MACROD2: variants seen among roughly 807,000 people sequenced by gnomAD.
The protein encoded by MACROD2 is ADP-ribose glycohydrolase MACROD2.
In MACROD2, 36 loss-of-function variants were observed where a neutral mutation model predicts 70.4. That is an observed-to-expected ratio of 0.51 (90% CI 0.39 to 0.68). The LOEUF is 0.68. Ranked by LOEUF, MACROD2 falls within the 30% of genes least tolerant of loss-of-function variation. MACROD2 has a pLI of 0.00. For synonymous variants in MACROD2, 172 were observed against 178.8 expected, an observed-to-expected ratio of 0.96 and a Z score of 0.30; for missense variants, 496 against 538.4, an observed-to-expected ratio of 0.92 and a Z score of 0.78.
At chr20:14,230,685 A>ATATATATATATATATATATATATATG (rs1569217538) in intron 3 of MACROD2, among the ~76,000 whole-genome samples, 4 of 116,878 alleles carry the variant, frequency 3.4e-5, no homozygotes, top group Non-Finnish European at 1.7e-5. Context: ...ATATATATAT[A>ATATATATATATATATATATATATATG]TATATATATA....
At chr20:14,911,691 T>C (rs2074029666) in intron 5 of MACROD2, among the ~76,000 whole-genome samples, 1 of 152,036 alleles carries the variant, frequency 6.6e-6, no homozygotes. Flanking sequence ...GATCTCTGAA[T>C]TCCCCCTTCT....
At chr20:14,015,539 C>T in intron 2 of MACROD2, among the ~76,000 whole-genome samples, 1 of 152,202 alleles carries the variant, frequency 6.6e-6, no homozygotes, top group South Asian at 2.1e-4. Context: ...ATTTGCACTA[C>T]TGTACTCCAG....
chr20:15,798,642 G>C (rs2063697008), intron 8 of MACROD2, among the ~76,000 whole-genome samples: 1 of 152,176 alleles, frequency 6.6e-6, no homozygotes, highest in Non-Finnish European at 1.5e-5. Context: ...TGTATGATGG[G>C]AGATATTTTT....
chr20:15,421,212 TACAAAACATGC>T (rs1385258835), intron 6 of MACROD2, among the ~76,000 whole-genome samples: 2 of 152,084 alleles, frequency 1.3e-5, no homozygotes, highest in Non-Finnish European at 2.9e-5. Flanking sequence ...ACCTTGTTTC[TACAAAACATGC>T]AAAAATTAAC....
At chr20:15,330,298 A>AT (rs11087129) in intron 6 of MACROD2, among the ~76,000 whole-genome samples, 42,309 of 151,664 alleles carry the variant, frequency 0.28, 7,114 homozygotes, top group Non-Finnish European at 0.39. Flanking sequence ...CAAGCCCTCC[A>AT]TGTGATTGTC....
At chr20:14,498,602 A>G (rs1004393177) in intron 4 of MACROD2, among the ~76,000 whole-genome samples, 4 of 152,232 alleles carry the variant, frequency 2.6e-5, no homozygotes, top group African/African-American at 9.6e-5. Context: ...TTGAGTTAAA[A>G]TGATGCTTTA....
intron 6 of MACROD2, among the ~76,000 whole-genome samples, chr20:15,301,016 C>T (rs565297693): frequency 3.9e-5 from 6 of 152,242 alleles, no homozygotes; most frequent in African/African-American, 9.6e-5. Context: ...GGTGAGCTTG[C>T]CCCCACATGG....
chr20:14,292,538 T>G (rs1226764052), intron 3 of MACROD2, among the ~76,000 whole-genome samples: 2 of 152,000 alleles, frequency 1.3e-5, no homozygotes, highest in Non-Finnish European at 2.9e-5. Context: ...ATGTATGCCC[T>G]GGGCTATATT....
Position 15,431,452 on chromosome 20 carries a change from T to G in MACROD2, c.571+17T>G. The G allele has an allele frequency of 1.2e-6, 2 of 1,607,986 alleles. No homozygotes were observed. Among genetic ancestry groups the G allele is most frequent in the Non-Finnish European group, 1.7e-6 (2 of 1,175,474 alleles). On this transcript the variant is annotated intron_variant, in intron 7 of 17. Coordinates refer to ENST00000684519, the MANE Select transcript of MACROD2 (RefSeq NM_001351661.2). ...GCATTTATGGTAAGTGATACAGCTT[T>G]TGATGATGTTTGTATTTCTTTATTT...
intron 15 of MACROD2, among the ~76,000 whole-genome samples, chr20:15,993,775 A>G (rs1331684290): frequency 6.6e-6 from 1 of 152,202 alleles, no homozygotes; most frequent in Non-Finnish European, 1.5e-5. Flanking sequence ...AATACAACAT[A>G]TCCTTTCCTT....
rs551454202 is a variant in MACROD2 at position 15,581,450 on chromosome 20, A to G, written c.645+81603A>G. 2.0e-5 allele frequency among the ~76,000 whole-genome samples: 3 copies of G among 152,308 alleles called. No individual in the cohort carries two copies. In the South Asian group the frequency reaches 6.2e-4, roughly 32 times the overall value. ...GTGACCTCCAGTTATTTCAGTATGGAGAACTTAACAAAAGAATGTTATCTG... is the reference window on the plus strand; with the variant it reads ...GTGACCTCCAGTTATTTCAGTATGGGGAACTTAACAAAAGAATGTTATCTG... On this transcript the variant is annotated intron_variant, in intron 8 of 17. Coordinates refer to ENST00000684519, the MANE Select transcript of MACROD2 (RefSeq NM_001351661.2).
At chr20:14,715,604 A>G (rs2071388565) in intron 5 of MACROD2, among the ~76,000 whole-genome samples, 1 of 152,134 alleles carries the variant, frequency 6.6e-6, no homozygotes. Context: ...TGCCACCCAA[A>G]TGCAGAGAAC....
At chr20:15,273,950 C>T (rs2077368511) in intron 6 of MACROD2, among the ~76,000 whole-genome samples, 1 of 152,154 alleles carries the variant, frequency 6.6e-6, no homozygotes, top group Admixed American at 6.6e-5. Flanking sequence ...AAGTACTTAT[C>T]ACAGTGGTTT....
intron 8 of MACROD2, among the ~76,000 whole-genome samples, chr20:15,601,243 G>T (rs1258282135): frequency 6.6e-6 from 1 of 152,132 alleles, no homozygotes. Flanking sequence ...CTGTCCAAGT[G>T]GTATAGGGCT....
At position 14,806,780 on chromosome 20, in the gene MACROD2, T is replaced by C. The variant is rs143737367; in HGVS notation, c.418+121821T>C. ...GAGGGGCATCCATCATTACTGAGGC[T>C]TGAGTAGGCGGTTTTCCCCTTCACA... On this transcript the variant is annotated intron_variant, in intron 5 of 17. Transcript: ENST00000684519. Among the ~76,000 whole-genome samples the C allele has an allele frequency of 1.3e-3, 194 of 152,232 alleles. 1 individual carries two copies. Among genetic ancestry groups the C allele is most frequent in the Middle Eastern group, 0.01 (3 of 294 alleles).
chr20:14,015,335 T>C (rs976450091), intron 2 of MACROD2, among the ~76,000 whole-genome samples: 3 of 152,210 alleles, frequency 2.0e-5, no homozygotes, highest in Non-Finnish European at 4.4e-5. Context: ...TAATCCCAGC[T>C]ACTCAGGAGG....
intron 5 of MACROD2, among the ~76,000 whole-genome samples, chr20:14,882,815 C>T (rs2073625581): frequency 6.6e-6 from 1 of 152,072 alleles, no homozygotes; most frequent in African/African-American, 2.4e-5. Flanking sequence ...TTAGATCGCT[C>T]CCTGAAGATA....
At chr20:15,644,843 C>G (rs535158397) in intron 8 of MACROD2, among the ~76,000 whole-genome samples, 3 of 152,246 alleles carry the variant, frequency 2.0e-5, no homozygotes, top group African/African-American at 7.2e-5. Flanking sequence ...TTGCCCACCA[C>G]TATGCCTGGC....
intron 5 of MACROD2, among the ~76,000 whole-genome samples, chr20:14,921,919 G>A (rs892024962): frequency 5.3e-5 from 8 of 152,152 alleles, no homozygotes; most frequent in African/African-American, 1.9e-4. Context: ...GTCTGATATT[G>A]CAAATGTATC....
Sources: gnomAD v4.1 joint callset for allele counts (sites outside exome capture counted in the v4.1 genomes callset) on GRCh38, gnomAD v4.1.1 for gene constraint, MANE v1.5 for transcripts, NCBI Gene and HGNC (gene_info 2026-07-23, HGNC 2026-07-21) for gene names.